GLDC: variants seen among roughly 807,000 people sequenced by gnomAD.
The protein encoded by GLDC is glycine dehydrogenase (decarboxylating), mitochondrial.
In GLDC, 104 loss-of-function variants were observed where a neutral mutation model predicts 121.3. The ratio of observed to expected loss-of-function variants is 0.86; its 90% CI spans 0.73 to 1.01. The LOEUF is 1.01. Among genes scored for constraint, GLDC ranks in the 50% least tolerant of loss-of-function variants. The probability of loss-of-function intolerance (pLI) is 0.00; values close to 1 mark genes in which losing one functional copy is unlikely to be tolerated. For synonymous variants in GLDC, 546 were observed against 480.6 expected, an observed-to-expected ratio of 1.14 and a Z score of -1.78; for missense variants, 1,429 against 1,306.6, an observed-to-expected ratio of 1.09 and a Z score of -1.44.
At chr9:6,544,031 C>G (rs994832973) in intron 21 of GLDC, among the ~76,000 whole-genome samples, 4 of 152,170 alleles carry the variant, frequency 2.6e-5, no homozygotes, top group African/African-American at 9.7e-5. Flanking sequence ...GCTCAAAACC[C>G]TCCTTGAGAG....
chr9:6,632,229 A>T (rs1819398663), intron 2 of GLDC, among the ~76,000 whole-genome samples: 1 of 152,234 alleles, frequency 6.6e-6, no homozygotes. Flanking sequence ...CACCCATCAC[A>T]GACTCATGAT....
At chr9:6,620,442 G>T (rs1402131639) in intron 2 of GLDC, 123 bp from the exon 3 acceptor site, 1 of 838,876 alleles carries the variant, frequency 1.2e-6, no homozygotes, top group East Asian at 2.6e-5. Flanking sequence ...AAATGTAAGA[G>T]TCATCCATCC....
intron 21 of GLDC, among the ~76,000 whole-genome samples, chr9:6,545,721 G>A (rs994585054): frequency 2.0e-5 from 3 of 152,072 alleles, no homozygotes; most frequent in Non-Finnish European, 4.4e-5. Context: ...GCTCACTGCA[G>A]CCTCCTATTC....
chr9:6,603,336 CCAGG>C (rs1455942188), intron 7 of GLDC, among the ~76,000 whole-genome samples: 1 of 151,888 alleles, frequency 6.6e-6, no homozygotes, highest in Admixed American at 6.6e-5. Context: ...TATACAGAGG[CCAGG>C]CATGGTGGCT....
chr9:6,629,949 A>ATG (rs1218134017), intron 2 of GLDC, among the ~76,000 whole-genome samples: 21 of 81,112 alleles, frequency 2.6e-4, no homozygotes, highest in Non-Finnish European at 4.3e-4. Context: ...ATATATGTAT[A>ATG]TATATATATT....
chr9:6,618,383 C>T (rs1403310887), intron 3 of GLDC, among the ~76,000 whole-genome samples: 2 of 152,172 alleles, frequency 1.3e-5, no homozygotes, highest in Non-Finnish European at 2.9e-5. Flanking sequence ...TCTTGGCTCA[C>T]CACAACCTCC....
intron 8 of GLDC, among the ~76,000 whole-genome samples, chr9:6,598,170 G>A (rs911922473): frequency 6.6e-6 from 1 of 152,058 alleles, no homozygotes; most frequent in African/African-American, 2.4e-5. Flanking sequence ...CTGGGATACT[G>A]GTGTGTACCA....
intron 20 of GLDC, 100 bp from the exon 21 acceptor site, chr9:6,551,014 G>C (rs1335774282): frequency 7.5e-6 from 6 of 800,030 alleles, no homozygotes; most frequent in African/African-American, 6.7e-5. Context: ...CACCCACAAA[G>C]GAAGGCAGCC....
intron 4 of GLDC, among the ~76,000 whole-genome samples, chr9:6,607,670 G>A (rs972553304): frequency 6.6e-6 from 1 of 151,718 alleles, no homozygotes; most frequent in Non-Finnish European, 1.5e-5. Flanking sequence ...GGAGAACAGG[G>A]TCTCGGTCTA....
At chr9:6,633,622 T>G (rs1441709726) in intron 2 of GLDC, among the ~76,000 whole-genome samples, 1 of 151,830 alleles carries the variant, frequency 6.6e-6, no homozygotes, top group Non-Finnish European at 1.5e-5. Context: ...ACCACGTCTG[T>G]ACAAAAACCA....
intron 2 of GLDC, 129 bp downstream of exon 2, chr9:6,644,485 C>G: frequency 2.8e-6 from 2 of 719,484 alleles, no homozygotes; most frequent in Admixed American, 2.1e-5. Context: ...GTACCCGCCA[C>G]TGTTTTATTT....
chr9:6,644,518 G>A, intron 2 of GLDC, 96 bp downstream of exon 2: 3 of 831,854 alleles, frequency 3.6e-6, no homozygotes, highest in South Asian at 2.7e-5. Flanking sequence ...TCCCAGTCCT[G>A]AGCAATCCTT....
At chr9:6,549,979 C>T (rs554129181) in intron 21 of GLDC, among the ~76,000 whole-genome samples, 7 of 152,328 alleles carry the variant, frequency 4.6e-5, no homozygotes, top group African/African-American at 1.7e-4. Flanking sequence ...TTTCCAGCCT[C>T]ATTGTCATTT....
chr9:6,602,377 A>ATT (rs879833847), intron 7 of GLDC, among the ~76,000 whole-genome samples, 172 bp from the exon 8 acceptor site: 5 of 142,370 alleles, frequency 3.5e-5, no homozygotes, highest in Admixed American at 7.1e-5. Flanking sequence ...ATGATTACTG[A>ATT]TTTTTTTTTT....
Position 6,553,535 on chromosome 9 carries a change from A to C in GLDC, c.2316-26T>G, listed in dbSNP as rs762104334. The C allele has an allele frequency of 4.3e-6, 7 of 1,611,896 alleles. No individual in the cohort carries two copies. In the East Asian group the frequency reaches 1.3e-4, roughly 31 times the overall value. On this transcript the variant is annotated intron_variant, in intron 19 of 24. Transcript: ENST00000321612. ...CTGTATTTTTTTTAAGTGCAAATTC[A>C]GAAAATGTAAACGATTCAGTTTAAT...
At chr9:6,594,907 CTTGACT>C (rs777133642) in intron 9 of GLDC, 101 bp downstream of exon 9, 17 of 779,084 alleles carry the variant, frequency 2.2e-5, no homozygotes, top group Middle Eastern at 3.5e-4. Context: ...TCGTTTCTCA[CTTGACT>C]TTTAATTTTG....
At chr9:6,613,647 C>T (rs1004216114) in intron 3 of GLDC, among the ~76,000 whole-genome samples, 37 of 152,062 alleles carry the variant, frequency 2.4e-4, no homozygotes, top group African/African-American at 7.0e-4. Flanking sequence ...ATTTATTTAA[C>T]GAGTTCCTTC....
At chr9:6,612,707 C>G (rs1393888768) in intron 3 of GLDC, among the ~76,000 whole-genome samples, 1 of 152,052 alleles carries the variant, frequency 6.6e-6, no homozygotes, top group Non-Finnish European at 1.5e-5. Context: ...ACTAAGAATA[C>G]AAAAATTAGC....
intron 3 of GLDC, among the ~76,000 whole-genome samples, chr9:6,618,498 G>T (rs1819009823): frequency 6.6e-6 from 1 of 151,988 alleles, no homozygotes; most frequent in Non-Finnish European, 1.5e-5. Flanking sequence ...GTAGAGACAG[G>T]GTTTTTCCAT....
Sources: gnomAD v4.1 joint callset for allele counts (sites outside exome capture counted in the v4.1 genomes callset) on GRCh38, gnomAD v4.1.1 for gene constraint, MANE v1.5 for transcripts, NCBI Gene and HGNC (gene_info 2026-07-23, HGNC 2026-07-21) for gene names.